The following H2BC4 variants were observed in gnomAD, a reference collection of about 807,000 sequenced individuals.
H2BC4 encodes the protein histone H2B type 1-C/E/F/G/I.
Under a neutral mutation model 6.2 loss-of-function variants are expected in H2BC4, and 10 were observed. The observed-to-expected ratio is 1.61, with a 90% CI of 0.99 to 2.73. The LOEUF is 2.73. H2BC4 is among the 30% of genes most tolerant of loss of function. H2BC4 has a pLI of 0.00. For missense variants in H2BC4, 176 were observed against 168.7 expected (o/e 1.04, Z -0.24); for synonymous variants, 146 against 70.7 (o/e 2.07, Z -5.35).
Position 26,123,476 on chromosome 6 carries a change from C to G in H2BC4, c.*48G>C, listed in dbSNP as rs1763542171. 1 of 1,610,938 alleles carries G rather than the reference C, an allele frequency of 6.2e-7. No homozygotes were observed. The highest frequency in any genetic ancestry group is 8.5e-7 in the Non-Finnish European group (1 of 1,178,884). ...TCTTTTAGTGGGTATCTGGGTGGCTCTTAAAAGAGCCTTTGGGGTTAGGTG... is the reference window on the plus strand; with the variant it reads ...TCTTTTAGTGGGTATCTGGGTGGCTGTTAAAAGAGCCTTTGGGGTTAGGTG... On this transcript the variant is annotated 3_prime_UTR_variant, in exon 1 of 1. Transcript: ENST00000396984.
chr6:26,123,522 G>C lies in H2BC4; in HGVS notation c.*2C>G. On this transcript the variant is annotated 3_prime_UTR_variant, in exon 1 of 1. Transcript: ENST00000396984. ...AGGTGTTAAGACGCTTACTTGGAAT[G>C]TTTACTTGGAGCTGGTGTACTTGGT... The C allele has an allele frequency of 6.2e-7, 1 of 1,614,214 alleles. No individual in the cohort carries two copies. The highest frequency in any genetic ancestry group is 1.3e-5 in the African/African-American group (1 of 75,066).
chr6:26,116,409 G>A (rs1763420565), intron 1 of H2BC4, among the ~76,000 whole-genome samples: 1 of 152,156 alleles, frequency 6.6e-6, no homozygotes, highest in South Asian at 2.1e-4. Flanking sequence ...GAACTGAAGT[G>A]GGGCGGGGTA....
chr6:26,123,660 G>A lies in H2BC4; in HGVS notation c.245C>T (p.Ala82Val). The A allele has an allele frequency of 2.5e-6, 4 of 1,614,252 alleles. No homozygotes were observed. Among genetic ancestry groups the A allele is most frequent in the Non-Finnish European group, 2.5e-6 (3 of 1,180,048 alleles). The change falls in exon 1 of 1, where the codon GCG becomes GTG. Residue 82 changes from alanine to valine, a missense_variant. Ala to Val is a moderately conservative substitution (Grantham distance 64). Coordinates refer to ENST00000396984, the MANE Select transcript of H2BC4 (RefSeq NM_003526.3). ...ERIAGEASRL[A>V]HYNKRSTITS... ...GATGGTCGAGCGCTTGTTGTAATGCGCCAGGCGGGAAGCCTCGCCCGCGAT... is the reference window on the plus strand; with the variant it reads ...GATGGTCGAGCGCTTGTTGTAATGCACCAGGCGGGAAGCCTCGCCCGCGAT...
At chr6:26,122,929 A>G (rs1438223033), downstream of H2BC4, among the ~76,000 whole-genome samples, 1 of 152,214 alleles carries the variant, frequency 6.6e-6, no homozygotes, top group Non-Finnish European at 1.5e-5. Context: ...ATATTAGGTT[A>G]AAAGACTATT....
At chr6:26,115,918 AT>A (rs992831827) in intron 1 of H2BC4, among the ~76,000 whole-genome samples, 1 of 151,524 alleles carries the variant, frequency 6.6e-6, no homozygotes, top group Non-Finnish European at 1.5e-5. Context: ...TTAATTTTCA[AT>A]TTTTTTTTGT....
intron 1 of H2BC4, among the ~76,000 whole-genome samples, chr6:26,116,920 G>A (rs1044928026): frequency 5.9e-5 from 9 of 152,102 alleles, no homozygotes; most frequent in Admixed American, 5.9e-4. Flanking sequence ...GGTCATCCAG[G>A]ATTACACAGG....
chr6:26,123,691 C>A lies in H2BC4; in HGVS notation c.214G>T (p.Glu72Ter). The change falls in exon 1 of 1, where the codon GAG becomes TAG. Residue 72 changes from glutamate to a stop codon, truncating the protein, a stop_gained. Transcript: ENST00000396984. LOFTEE classifies it high-confidence loss of function. ...CGGGAAGCCTCGCCCGCGATGCGCT[C>A]AAATATGTCGTTAACGAAAGAATTC... ...IMNSFVNDIF[E>*]RIAGEASRLA... 17 of 1,614,238 alleles carry A rather than the reference C, an allele frequency of 1.1e-5. No individual in the cohort carries two copies. Among genetic ancestry groups the A allele is most frequent in the Non-Finnish European group, 1.4e-5 (16 of 1,180,046 alleles).
At chr6:26,123,448 A>G, downstream of H2BC4, 1 of 1,578,084 alleles carries the variant, frequency 6.3e-7, no homozygotes, top group South Asian at 1.2e-5. Context: ...GTCTGGCCAC[A>G]GCTCTTTTAG....
chr6:26,122,486 G>A (rs895925830), downstream of H2BC4, among the ~76,000 whole-genome samples: 3 of 152,114 alleles, frequency 2.0e-5, no homozygotes, highest in Admixed American at 6.5e-5. Flanking sequence ...AAATACTTAA[G>A]GGAATGTGGA....
chr6:26,116,992 T>C (rs707898), intron 1 of H2BC4, among the ~76,000 whole-genome samples: 24,847 of 152,112 alleles, frequency 0.16, 2,169 homozygotes, highest in African/African-American at 0.18. Context: ...ACTGGGATTG[T>C]CTGTCAATGT....
chr6:26,119,762 GAATA>G (rs1267710653), downstream of H2BC4, among the ~76,000 whole-genome samples: 1 of 150,658 alleles, frequency 6.6e-6, no homozygotes, highest in Non-Finnish European at 1.5e-5. Flanking sequence ...TACAGTATAA[GAATA>G]AAGAAGCCAT....
downstream of H2BC4, among the ~76,000 whole-genome samples, chr6:26,122,454 T>A (rs1228264268): frequency 6.6e-6 from 1 of 152,236 alleles, no homozygotes; most frequent in Non-Finnish European, 1.5e-5. Flanking sequence ...TTAAAATCTT[T>A]ACCTGGAAAA....
At position 26,123,623 on chromosome 6, in the gene H2BC4, C is replaced by T. The variant is rs747363195; in HGVS notation, c.282G>A (p.Glu94=). ...YNKRSTITSR[E]IQTAVRLLLP... is the part of the protein sequence containing the mutation. ...GCAGCAGGCGCACGGCCGTCTGGATCTCCCTGGAGGTGATGGTCGAGCGCT... is the reference window on the plus strand; with the variant it reads ...GCAGCAGGCGCACGGCCGTCTGGATTTCCCTGGAGGTGATGGTCGAGCGCT... The change falls in exon 1 of 1, where the codon GAG becomes GAA. Residue 94 remains glutamate, a synonymous_variant. Transcript: ENST00000396984. The T allele has an allele frequency of 1.9e-6, 3 of 1,614,150 alleles. No individual in the cohort carries two copies. In the African/African-American group the frequency reaches 4.0e-5, roughly 22 times the overall value.
At chr6:26,122,650 T>G (rs1277066995), downstream of H2BC4, among the ~76,000 whole-genome samples, 1 of 152,176 alleles carries the variant, frequency 6.6e-6, no homozygotes, top group African/African-American at 2.4e-5. Context: ...TTCGAAGGCT[T>G]GTCAATTTAC....
downstream of H2BC4, chr6:26,123,216 C>T (rs1763531856): frequency 2.3e-6 from 1 of 430,726 alleles, no homozygotes; most frequent in Non-Finnish European, 4.1e-6. Flanking sequence ...GGGTCTGAAA[C>T]CTAAGCGAGC....
At position 26,123,878 on chromosome 6, in the gene H2BC4, G is replaced by C; in HGVS notation, c.27C>G (p.Pro9=). 1 of 1,614,190 alleles carries C rather than the reference G, an allele frequency of 6.2e-7. No individual in the cohort carries two copies. The highest frequency in any genetic ancestry group is 8.5e-7 in the Non-Finnish European group (1 of 1,180,032). Residue 9 remains proline, a synonymous_variant, in exon 1 of 1, where the codon CCC becomes CCG. Coordinates refer to ENST00000396984, the MANE Select transcript of H2BC4 (RefSeq NM_003526.3). ...CCTTCTTGGAGCCCTTCTTCGGGGC[G>C]GGAGCAGACTTGGCTGGCTCAGGCA... The part of the protein sequence containing the change: MPEPAKSA[P]APKKGSKKAV...
chr6:26,123,466 C>T, downstream of H2BC4: 5 of 1,607,010 alleles, frequency 3.1e-6, no homozygotes, highest in Non-Finnish European at 3.4e-6. Context: ...TAGTGGGTAT[C>T]TGGGTGGCTC....
rs755403121 is a variant in H2BC4 at position 26,123,901 on chromosome 6, G to A, written c.4C>T (p.Pro2Ser). 3.1e-6 allele frequency: 5 copies of A among 1,613,448 alleles called. No homozygotes were observed. The highest frequency in any genetic ancestry group is 4.2e-6 in the Non-Finnish European group (5 of 1,179,868). The change falls in exon 1 of 1, where the codon CCT becomes TCT. Residue 2 changes from proline (P) to serine (S), a missense_variant. Physicochemically the swap from Pro to Ser is moderately conservative, Grantham distance 74. Coordinates refer to ENST00000396984, the MANE Select transcript of H2BC4 (RefSeq NM_003526.3). ...GCGGGAGCAGACTTGGCTGGCTCAGGCATCTTAAAACACCAGAAATGTGTC... is the reference window on the plus strand; with the variant it reads ...GCGGGAGCAGACTTGGCTGGCTCAGACATCTTAAAACACCAGAAATGTGTC... Reference protein sequence around the residue: MPEPAKSAPAPK... With the variant: MSEPAKSAPAPK...
intron 1 of H2BC4, among the ~76,000 whole-genome samples, chr6:26,115,514 C>T (rs1386537894): frequency 6.6e-6 from 1 of 152,116 alleles, no homozygotes; most frequent in East Asian, 1.9e-4. Context: ...TCCATTTGAT[C>T]TAAACTTGAA....
Sources: gnomAD v4.1 joint callset for allele counts (sites outside exome capture counted in the v4.1 genomes callset) on GRCh38, gnomAD v4.1.1 for gene constraint, MANE v1.5 for transcripts, NCBI Gene and HGNC (gene_info 2026-07-23, HGNC 2026-07-21) for gene names.